The following EEF2 variants were observed in gnomAD, a reference collection of about 807,000 sequenced individuals.
The protein encoded by EEF2 is eukaryotic translation elongation factor 2.
Under a neutral mutation model 85.3 loss-of-function variants are expected in EEF2, and 21 were observed. That is an observed-to-expected ratio of 0.25 (90% CI 0.17 to 0.35). The LOEUF (loss-of-function observed/expected upper bound fraction) is 0.35, where lower values mean the gene tolerates loss of function less well. Among genes scored for constraint, EEF2 ranks in the 10% least tolerant of loss-of-function variants. The pLI, the probability that EEF2 is intolerant of heterozygous loss-of-function variation, is 1.00. For missense variants in EEF2, 825 were observed against 1,225.3 expected (o/e 0.67, Z 4.88); for synonymous variants, 723 against 508.8 (o/e 1.42, Z -5.67).
rs1448751502 is a variant in EEF2 at position 3,984,189 on chromosome 19, G to C, written c.165C>G (p.Arg55=). Residue 55 remains arginine, a synonymous_variant, in exon 2 of 15, where the codon CGC becomes CGG. Coordinates refer to ENST00000309311, the MANE Select transcript of EEF2 (RefSeq NM_001961.4). ...GCTCGTCCTTCCGGGTATCAGTGAA[G>C]CGTGTCTCCCCGGCCCGGGCCGAGG... ...IIASARAGET[R]FTDTRKDEQE... The C allele has an allele frequency of 1.7e-5, 28 of 1,613,980 alleles. No homozygotes were observed. Among genetic ancestry groups the C allele is most frequent in the Non-Finnish European group, 2.4e-5 (28 of 1,180,038 alleles).
chr19:3,978,026 G>A lies in EEF2; in HGVS notation c.1860C>T (p.Gly620=), dbSNP rs781090546. The change falls in exon 12 of 15, where the codon GGC becomes GGT. Residue 620 remains glycine, a synonymous_variant. Transcript: ENST00000309311. Reference sequence around the variant, plus strand: ...TGAGCTCCTGACGGGCGGACACCTCGCCTTTATCGATGTCCTCGGCCAGGC... The same window carrying A: ...TGAGCTCCTGACGGGCGGACACCTCACCTTTATCGATGTCCTCGGCCAGGC... ...PDGLAEDIDK[G]EVSARQELKQ... 1.3e-5 allele frequency: 21 copies of A among 1,606,124 alleles called. No individual in the cohort carries two copies. The Admixed American group carries it at 2.4e-4, about 18-fold the overall frequency.
chr19:3,984,384 G>C (rs1188818796), intron 1 of EEF2, 34 bp from the exon 2 acceptor site: 9 of 1,603,132 alleles, frequency 5.6e-6, no homozygotes, highest in Non-Finnish European at 7.7e-6. Flanking sequence ...ACCAGCTCGT[G>C]ATTTCCAGGA....
At chr19:3,985,335 C>G (rs1286287765) in intron 1 of EEF2, 43 bp downstream of exon 1, 3 of 1,445,434 alleles carry the variant, frequency 2.1e-6, no homozygotes, top group Non-Finnish European at 2.7e-6. Flanking sequence ...CCCGCGGAGG[C>G]CCCGCCGCCG....
intron 1 of EEF2, 112 bp downstream of exon 1, chr19:3,985,266 G>T: frequency 1.3e-5 from 16 of 1,224,380 alleles, no homozygotes; most frequent in Admixed American, 4.2e-5. Context: ...CGGCCCCGCC[G>T]CCGCTACGTC....
At position 3,982,848 on chromosome 19, in the gene EEF2, T is replaced by C. The variant is rs764947324; in HGVS notation, c.571A>G (p.Thr191Ala). 3.7e-6 allele frequency: 6 copies of C among 1,613,286 alleles called. No individual in the cohort carries two copies. Among genetic ancestry groups the C allele is most frequent in the Non-Finnish European group, 3.4e-6 (4 of 1,179,894 alleles). The change falls in exon 4 of 15, where the codon ACC becomes GCC. Residue 191 changes from threonine (T) to alanine (A), a missense_variant. Transcript: ENST00000309311. ...IVENVNVIISTYGEGESGPMG... is the reference protein window; with the variant it reads ...IVENVNVIISAYGEGESGPMG... Reference sequence around the variant, plus strand: ...GGGCCGCTCTCGCCCTCGCCGTAGGTGGAGATGATGACGTTCACGTTCTCC... The same window carrying C: ...GGGCCGCTCTCGCCCTCGCCGTAGGCGGAGATGATGACGTTCACGTTCTCC...
chr19:3,985,053 GCCTC>G (rs1011576282), intron 1 of EEF2: 27 of 354,180 alleles, frequency 7.6e-5, no homozygotes, highest in Admixed American at 2.4e-4. Flanking sequence ...TACATAAGGC[GCCTC>G]CCTGTCTCCC....
intron 2 of EEF2, 107 bp from the exon 3 acceptor site, chr19:3,983,398 T>G (rs1017526163): frequency 7.9e-7 from 1 of 1,263,000 alleles, no homozygotes; most frequent in Non-Finnish European, 1.1e-6. Context: ...GACTCATCCC[T>G]GGAGAGGCTC....
In EEF2 at chr19:3,985,437, A is replaced by G. The variant is rs542049090; in HGVS notation, c.-57T>C. The G allele has an allele frequency of 2.7e-5, 39 of 1,453,604 alleles. No homozygotes were observed. In the African/African-American group the frequency reaches 3.6e-4, roughly 14 times the overall value. 90.0% of individuals were successfully genotyped at this position (1,453,604 alleles called of 1,614,324 possible). On this transcript the variant is annotated 5_prime_UTR_variant, in exon 1 of 15. Transcript: ENST00000309311. ...GAACCGAAAGAAGCGAGTCGCGCCG[A>G]GGATGGCGGCGACGACGGCGGAAGA... is the stretch of plus-strand genomic sequence containing the variant.
In EEF2 at chr19:3,985,364, G is replaced by A; in HGVS notation, c.3+14C>T. The stretch of plus-strand genomic sequence containing the variant: ...GCCGCCGCTCCGGGGCACCAGCGAG[G>A]CAGGGTTACTCACCATGGTGGCGGA... On this transcript the variant is annotated intron_variant, in intron 1 of 14. Coordinates refer to ENST00000309311, the MANE Select transcript of EEF2 (RefSeq NM_001961.4). 3 of 1,493,794 alleles carry A rather than the reference G, an allele frequency of 2.0e-6. No individual in the cohort carries two copies. The highest frequency in any genetic ancestry group is 2.7e-6 in the Non-Finnish European group (3 of 1,115,880). The allele number at this position is 1,493,794 out of a possible 1,614,324, so 92.5% of individuals were successfully genotyped here.
In EEF2 at chr19:3,977,727, C is replaced by G; in HGVS notation, c.2067+92G>C. 6.7e-7 allele frequency: 1 copy of G among 1,491,194 alleles called. No homozygotes were observed. Among genetic ancestry groups the G allele is most frequent in the Non-Finnish European group, 8.9e-7 (1 of 1,123,816 alleles). The allele number at this position is 1,491,194 out of a possible 1,614,324, so 92.4% of individuals were successfully genotyped here. On this transcript the variant is annotated intron_variant, in intron 12 of 14. Coordinates refer to ENST00000309311, the MANE Select transcript of EEF2 (RefSeq NM_001961.4). This position sits in a 1 kb window ranked among gnomAD's most constrained non-coding sequence, Gnocchi z 5.4. ...ACCTGGGGCCTTGCCCGCCTTGGCC[C>G]CATTAGGGTCTCTGTCTCGGGAGGC...
chr19:3,978,969 C>CA (rs747708144), intron 11 of EEF2, among the ~76,000 whole-genome samples: 9 of 150,054 alleles, frequency 6.0e-5, no homozygotes, highest in South Asian at 2.1e-4. Context: ...ACTAAAAATA[C>CA]AAAAAAAAAT....
intron 1 of EEF2, 114 bp from the exon 2 acceptor site, chr19:3,984,464 G>A: frequency 3.4e-6 from 4 of 1,170,818 alleles, no homozygotes; most frequent in Non-Finnish European, 4.9e-6. Context: ...GGTTGGTGCT[G>A]GGGTGCCCCA....
At chr19:3,980,150 G>C in intron 9 of EEF2, 84 bp from the exon 10 acceptor site, 1 of 1,530,114 alleles carries the variant, frequency 6.5e-7, no homozygotes, top group Non-Finnish European at 8.8e-7. Flanking sequence ...TCCCGGAGTT[G>C]GTGGCCCTCC....
rs574881790 is a variant in EEF2, at chr19:3,985,162, C to A, written c.3+216G>T. On this transcript the variant is annotated intron_variant, in intron 1 of 14. Coordinates refer to ENST00000309311, the MANE Select transcript of EEF2 (RefSeq NM_001961.4). Reference sequence around the variant, plus strand: ...CAACCCAGCTCCAACCAGGTCTGGGCAAGGTTATGGCGCCCTCGGAAACGG... The same window carrying A: ...CAACCCAGCTCCAACCAGGTCTGGGAAAGGTTATGGCGCCCTCGGAAACGG... The A allele has an allele frequency of 1.3e-5, 6 of 459,330 alleles. No homozygotes were observed. The South Asian group carries it at 3.5e-4, about 27-fold the overall frequency. The allele number at this position is 459,330 out of a possible 1,614,324, so 28.5% of individuals were successfully genotyped here. A position where few individuals can be genotyped will look rare whatever the true frequency, so the allele number is the denominator to read the frequency against.
In EEF2 at chr19:3,982,891, C is replaced by T; in HGVS notation, c.528G>A (p.Gln176=). The T allele has an allele frequency of 6.2e-7, 1 of 1,613,742 alleles. No individual in the cohort carries two copies. Among genetic ancestry groups the T allele is most frequent in the Non-Finnish European group, 8.5e-7 (1 of 1,180,002 alleles). Reference sequence around the variant, plus strand: ...CGTTCTCCACGATGCGCTGGAAAGTCTGGTAGAGCTCCTCGGGCTCCAGCT... The same window carrying T: ...CGTTCTCCACGATGCGCTGGAAAGTTTGGTAGAGCTCCTCGGGCTCCAGCT... The part of the protein sequence containing the change: ...ELQLEPEELY[Q]TFQRIVENVN... The change falls in exon 4 of 15, where the codon CAG becomes CAA. Residue 176 remains glutamine (Q), a synonymous_variant. Coordinates refer to ENST00000309311, the MANE Select transcript of EEF2 (RefSeq NM_001961.4).
chr19:3,981,553 G>A (rs921181584), intron 6 of EEF2, 101 bp from the exon 7 acceptor site: 3 of 1,113,976 alleles, frequency 2.7e-6, no homozygotes, highest in Admixed American at 1.9e-5. Context: ...GCAGGGGGAC[G>A]CAGCACGGGA....
rs1248837532 is a variant in EEF2 at position 3,977,083 on chromosome 19, C to G, written c.2383+132G>C. ...TAGGGGGTCCACAAGCTGTCAGAAA[C>G]TGGACCACCTGCTCCATCCATCACC... On this transcript the variant is annotated intron_variant, in intron 14 of 14. Transcript: ENST00000309311. This position sits in a 1 kb window ranked among gnomAD's most constrained non-coding sequence, Gnocchi z 5.4. The G allele has an allele frequency of 1.5e-5, 20 of 1,342,786 alleles. No homozygotes were observed. The highest frequency in any genetic ancestry group is 1.9e-5 in the Non-Finnish European group (19 of 996,678). 83.2% of individuals were successfully genotyped at this position (1,342,786 alleles called of 1,614,324 possible).
In EEF2 at chr19:3,977,402, G is replaced by A. The variant is rs779977590; in HGVS notation, c.2250+26C>T. Reference sequence around the variant, plus strand: ...GGCCGCTGGGCAGGACGGTGGCAGGGTCAGCGGTGGGCGGGTAGACCTCAC... The same window carrying A: ...GGCCGCTGGGCAGGACGGTGGCAGGATCAGCGGTGGGCGGGTAGACCTCAC... On this transcript the variant is annotated intron_variant, in intron 13 of 14. Transcript: ENST00000309311. The surrounding 1 kb of genome is among the most constrained non-coding windows in gnomAD (Gnocchi z 5.4). 3 of 1,589,324 alleles carry A rather than the reference G, an allele frequency of 1.9e-6. No homozygotes were observed. Among genetic ancestry groups the A allele is most frequent in the South Asian group, 2.3e-5 (2 of 88,026 alleles).
At chr19:3,983,992 C>A (rs913143930) in intron 2 of EEF2, 144 bp downstream of exon 2, 4 of 846,798 alleles carry the variant, frequency 4.7e-6, no homozygotes, top group African/African-American at 3.4e-5. Flanking sequence ...TCTCGCTGGA[C>A]TGAACCTCAC....
Sources: allele counts gnomAD v4.1 joint callset (sites outside exome capture counted in the v4.1 genomes callset), GRCh38; gene constraint gnomAD v4.1.1; non-coding constraint Gnocchi (gnomAD v3.1); transcripts MANE v1.5; gene names NCBI Gene and HGNC (gene_info 2026-07-23, HGNC 2026-07-21).